Variants in WWOX observed in about 807,000 individuals in gnomAD.
The protein encoded by WWOX is WW domain-containing oxidoreductase.
In WWOX, 69 loss-of-function variants were observed where a neutral mutation model predicts 46.2. That is an observed-to-expected ratio of 1.49 (90% CI 1.23 to 1.82). The LOEUF is 1.82. WWOX is among the 40% of genes most tolerant of loss of function. WWOX has a pLI of 0.00. For synonymous variants in WWOX, 359 were observed against 202.6 expected (o/e 1.77, Z -6.56); for missense variants, 919 against 542.6 (o/e 1.69, Z -6.89).
chr16:78,870,660 G>A (rs1214893278), intron 8 of WWOX, among the ~76,000 whole-genome samples: 1 of 152,054 alleles, frequency 6.6e-6, no homozygotes, highest in Non-Finnish European at 1.5e-5. Flanking sequence ...GGAGTGCGGT[G>A]GTGCGATCTT....
intron 5 of WWOX, among the ~76,000 whole-genome samples, chr16:78,311,983 C>G (rs952210835): frequency 6.6e-6 from 1 of 152,146 alleles, no homozygotes; most frequent in Non-Finnish European, 1.5e-5. Context: ...CTGGCCTTTT[C>G]CACGTTACAG....
intron 8 of WWOX, among the ~76,000 whole-genome samples, chr16:78,460,509 G>C (rs1484720827): frequency 1.3e-5 from 2 of 152,148 alleles, no homozygotes; most frequent in Non-Finnish European, 1.5e-5. Context: ...CCAGTGCACA[G>C]ATTTCTCCAA....
intron 8 of WWOX, among the ~76,000 whole-genome samples, chr16:78,498,949 T>C (rs1037725429): frequency 2.0e-5 from 3 of 152,188 alleles, no homozygotes; most frequent in Non-Finnish European, 4.4e-5. Context: ...ATAATGATTG[T>C]TAAGATGGAA....
At chr16:78,491,476 T>A (rs2084782540) in intron 8 of WWOX, among the ~76,000 whole-genome samples, 1 of 152,154 alleles carries the variant, frequency 6.6e-6, no homozygotes, top group Non-Finnish European at 1.5e-5. Context: ...TCTTTGTTCT[T>A]TTTTTTGAGA....
intron 8 of WWOX, among the ~76,000 whole-genome samples, chr16:78,706,917 C>T (rs1409869794): frequency 6.6e-6 from 1 of 152,182 alleles, no homozygotes; most frequent in Non-Finnish European, 1.5e-5. Context: ...CCCGCCTCGG[C>T]CTCCCAAAGT....
chr16:78,115,807 A>G (rs1231836560), intron 4 of WWOX, among the ~76,000 whole-genome samples: 2 of 152,130 alleles, frequency 1.3e-5, no homozygotes, highest in South Asian at 4.2e-4. Context: ...GCTTTGATCT[A>G]TTTACATAAG....
In WWOX at chr16:78,424,574, G is replaced by C. The variant is rs8057749; in HGVS notation, c.606-296G>C. On this transcript the variant is annotated intron_variant, in intron 6 of 8. Coordinates refer to ENST00000566780, the MANE Select transcript of WWOX (RefSeq NM_016373.4). ...GTTCCAACTAGGGTGACAACTCTTC[G>C]CAGATTGCCTGCTGCTGTCCTGGTT... 0.16 allele frequency among the ~76,000 whole-genome samples: 23,579 copies of C among 152,070 alleles called. 4,484 individuals are homozygous for C. Among genetic ancestry groups the C allele is most frequent in the African/African-American group, 0.45 (18,724 of 41,424 alleles).
chr16:78,702,120 A>ATATATATATTTATTTATT (rs1207718237), intron 8 of WWOX, among the ~76,000 whole-genome samples: 15 of 130,016 alleles, frequency 1.2e-4, no homozygotes, highest in African/African-American at 4.6e-4. Flanking sequence ...ATATATATAT[A>ATATATATATTTATTTATT]TATTTATTTA....
chr16:78,798,448 A>G (rs2050800422), intron 8 of WWOX, among the ~76,000 whole-genome samples: 1 of 152,210 alleles, frequency 6.6e-6, no homozygotes, highest in African/African-American at 2.4e-5. Context: ...TTTATCATTA[A>G]TATGCCGCTT....
At position 78,924,529 on chromosome 16, in the gene WWOX, T is replaced by A. The variant is rs868552230; in HGVS notation, c.1057-287079T>A. Reference sequence around the variant, plus strand: ...TTGAGTAATTTACTCAAGATTCTCTTCAGCCCAGTTTCCTTATCTGTAAAA... The same window carrying A: ...TTGAGTAATTTACTCAAGATTCTCTACAGCCCAGTTTCCTTATCTGTAAAA... On this transcript the variant is annotated intron_variant, in intron 8 of 8. Transcript: ENST00000566780. Among the ~76,000 whole-genome samples the A allele has an allele frequency of 2.0e-5, 3 of 152,196 alleles. No individual in the cohort carries two copies. The South Asian group carries it at 6.2e-4, about 32-fold the overall frequency.
At chr16:78,355,259 TA>T (rs34714331) in intron 5 of WWOX, among the ~76,000 whole-genome samples, 105,240 of 151,574 alleles carry the variant, frequency 0.69, 37,333 homozygotes, top group Non-Finnish European at 0.73. Context: ...TGTCTGTATA[TA>T]AAAAAAAAGT....
At chr16:78,747,522 A>T (rs1005042121) in intron 8 of WWOX, among the ~76,000 whole-genome samples, 1 of 152,216 alleles carries the variant, frequency 6.6e-6, no homozygotes, top group Non-Finnish European at 1.5e-5. Flanking sequence ...GACAGGCATT[A>T]CAATGAGCCT....
chr16:78,902,816 C>T (rs545610808), intron 8 of WWOX, among the ~76,000 whole-genome samples: 8 of 152,286 alleles, frequency 5.3e-5, no homozygotes, highest in African/African-American at 1.9e-4. Context: ...TCAGGCTTAG[C>T]CTTAGTGGGC....
Position 78,836,295 on chromosome 16 carries a change from T to A in WWOX, c.1057-375313T>A, listed in dbSNP as rs145237330. ...CTGCTGTGGCCTAGGGAGGGACAAC[T>A]GGCAGGGCCACACAAGGAGGTAAAA... On this transcript the variant is annotated intron_variant, in intron 8 of 8. Transcript: ENST00000566780. Among the ~76,000 whole-genome samples the A allele has an allele frequency of 5.0e-3, 768 of 152,218 alleles. 3 individuals carry two copies. The highest frequency in any genetic ancestry group is 7.6e-3 in the Non-Finnish European group (514 of 68,008).
intron 8 of WWOX, among the ~76,000 whole-genome samples, chr16:79,179,908 A>T (rs2050876147): frequency 6.6e-6 from 1 of 152,228 alleles, no homozygotes; most frequent in Admixed American, 6.5e-5. Flanking sequence ...ATTACAGCAT[A>T]GATGTGAAGT....
intron 8 of WWOX, among the ~76,000 whole-genome samples, chr16:78,878,901 G>GAA (rs111647544): frequency 0.3 from 25,676 of 85,536 alleles, 3,619 homozygotes; most frequent in South Asian, 0.41. Context: ...ACAAAAAAAT[G>GAA]AAAAAAAAAA....
At chr16:78,863,892 C>T (rs1309734607) in intron 8 of WWOX, among the ~76,000 whole-genome samples, 2 of 152,150 alleles carry the variant, frequency 1.3e-5, no homozygotes, top group Non-Finnish European at 2.9e-5. Context: ...CACTTAGCAT[C>T]GTGTTTTTGA....
At chr16:78,697,306 C>T (rs2048120941) in intron 8 of WWOX, among the ~76,000 whole-genome samples, 1 of 152,190 alleles carries the variant, frequency 6.6e-6, no homozygotes, top group African/African-American at 2.4e-5. Context: ...TCCCTGCTCA[C>T]CGCATTCACG....
intron 8 of WWOX, among the ~76,000 whole-genome samples, chr16:78,469,025 G>T (rs1176891363): frequency 6.6e-6 from 1 of 152,144 alleles, no homozygotes; most frequent in Non-Finnish European, 1.5e-5. Context: ...TCAAAAGACA[G>T]ATGGATGGAT....
Sources: gnomAD v4.1 joint callset for allele counts (sites outside exome capture counted in the v4.1 genomes callset) on GRCh38, gnomAD v4.1.1 for gene constraint, MANE v1.5 for transcripts, NCBI Gene and HGNC (gene_info 2026-07-23, HGNC 2026-07-21) for gene names.